The following TMC1 variants were observed in gnomAD, a reference collection of about 807,000 sequenced individuals.
The protein encoded by TMC1 is transmembrane channel like 1.
In TMC1, 84 loss-of-function variants were observed where a neutral mutation model predicts 105.8. The observed-to-expected ratio is 0.79, with a 90% confidence interval of 0.67 to 0.95. TMC1 has a LOEUF of 0.95. TMC1 is among the 40% of genes least tolerant of loss of function. TMC1 has a pLI of 0.00. For synonymous variants in TMC1, 315 were observed against 311.5 expected (o/e 1.01, Z -0.12); for missense variants, 817 against 914.1 (o/e 0.89, Z 1.37).
At position 72,686,940 on chromosome 9, in the gene TMC1, C is replaced by T. The variant is rs1250584939; in HGVS notation, c.17-1769C>T. The stretch of plus-strand genomic sequence containing the variant: ...TATTTATAAACTATTCCTTCTGTGC[C>T]GGAGAAGATGATTCATGACTCTAGC... On this transcript the variant is annotated intron_variant, in intron 5 of 23. Coordinates refer to ENST00000297784, the MANE Select transcript of TMC1 (RefSeq NM_138691.3). 3.9e-5 allele frequency among the ~76,000 whole-genome samples: 6 copies of T among 152,068 alleles called. No individual in the cohort carries two copies. In the South Asian group the frequency reaches 6.2e-4, roughly 16 times the overall value.
At chr9:72,603,533 C>T (rs1824855982) in intron 2 of TMC1, among the ~76,000 whole-genome samples, 1 of 150,682 alleles carries the variant, frequency 6.6e-6, no homozygotes, top group East Asian at 2.0e-4. Context: ...GTCAATGTTG[C>T]ATTTAGTTTA....
intron 1 of TMC1, among the ~76,000 whole-genome samples, chr9:72,573,019 C>T (rs960558900): frequency 5.9e-5 from 9 of 152,022 alleles, no homozygotes; most frequent in African/African-American, 2.2e-4. Context: ...AAATAATTGT[C>T]AATATTGTTG....
intron 5 of TMC1, among the ~76,000 whole-genome samples, chr9:72,655,445 T>C (rs954571546): frequency 2.6e-5 from 4 of 152,198 alleles, no homozygotes; most frequent in African/African-American, 9.7e-5. Context: ...TTCCTAACTT[T>C]GTGCCATTAT....
chr9:72,601,173 CACACACACACACACACACACAG>C (rs1316153693), intron 2 of TMC1, among the ~76,000 whole-genome samples: 33 of 133,690 alleles, frequency 2.5e-4, no homozygotes, highest in African/African-American at 9.9e-4. Context: ...TGTTTCTACA[CACACACACACACACACACACAG>C]ACACACACAC....
intron 2 of TMC1, among the ~76,000 whole-genome samples, chr9:72,612,882 C>G (rs192934733): frequency 2.4e-4 from 36 of 152,152 alleles, no homozygotes; most frequent in African/African-American, 8.4e-4. Context: ...ACAAGACAGC[C>G]CCCACAACAA....
intron 11 of TMC1, among the ~76,000 whole-genome samples, chr9:72,752,417 C>G (rs1379584281): frequency 6.6e-6 from 1 of 150,692 alleles, no homozygotes; most frequent in Non-Finnish European, 1.5e-5. Context: ...AACATTTTCC[C>G]CCTAAGATAC....
chr9:72,788,284 T>C, intron 13 of TMC1, 55 bp from the exon 14 acceptor site: 2 of 1,603,900 alleles, frequency 1.2e-6, no homozygotes, highest in Admixed American at 3.3e-5. Flanking sequence ...GTTTTGTTGC[T>C]ATTTCCCCTA....
In TMC1 at chr9:72,837,339, C is replaced by T. The variant is rs1308450608; in HGVS notation, c.*1366C>T. ...ACTGTCTTTCCCTAGCACTGGTTGCCACTAATTATTATTTTAGAGAGATAG... is the reference window on the plus strand; with the variant it reads ...ACTGTCTTTCCCTAGCACTGGTTGCTACTAATTATTATTTTAGAGAGATAG... On this transcript the variant is annotated 3_prime_UTR_variant, in exon 24 of 24. Coordinates refer to ENST00000297784, the MANE Select transcript of TMC1 (RefSeq NM_138691.3). The T allele has an allele frequency of 6.6e-6, 1 of 152,124 alleles. No individual in the cohort carries two copies. The highest frequency in any genetic ancestry group is 2.4e-5 in the African/African-American group (1 of 41,416). 9.4% of individuals were successfully genotyped at this position (152,124 alleles called of 1,614,324 possible).
At chr9:72,563,846 A>G (rs1824099993) in intron 1 of TMC1, among the ~76,000 whole-genome samples, 1 of 145,754 alleles carries the variant, frequency 6.9e-6, no homozygotes, top group Admixed American at 7.1e-5. Context: ...GCTGCAGTGA[A>G]CGAGATCAAG....
intron 17 of TMC1, among the ~76,000 whole-genome samples, chr9:72,798,816 A>G (rs550547248): frequency 1.2e-4 from 18 of 152,216 alleles, no homozygotes; most frequent in African/African-American, 4.1e-4. Flanking sequence ...AAAGCTTCAC[A>G]TGTACTACTA....
intron 1 of TMC1, among the ~76,000 whole-genome samples, chr9:72,576,079 G>A (rs1253445579): frequency 6.6e-6 from 1 of 152,136 alleles, no homozygotes; most frequent in African/African-American, 2.4e-5. Flanking sequence ...TGAAAAGATG[G>A]CACCATTTGA....
At chr9:72,533,153 G>A (rs1823526787) in intron 1 of TMC1, among the ~76,000 whole-genome samples, 1 of 152,208 alleles carries the variant, frequency 6.6e-6, no homozygotes, top group East Asian at 1.9e-4. Flanking sequence ...GCCAGGATCA[G>A]CTGAAGTGCC....
chr9:72,587,996 C>T lies in TMC1; in HGVS notation c.-306+9973C>T, dbSNP rs1587975702. Among the ~76,000 whole-genome samples, 2 of 152,116 alleles carry T rather than the reference C, an allele frequency of 1.3e-5. 1 individual carries two copies. Among genetic ancestry groups the T allele is most frequent in the Admixed American group, 1.3e-4 (2 of 15,258 alleles). On this transcript the variant is annotated intron_variant, in intron 2 of 23. Coordinates refer to ENST00000297784, the MANE Select transcript of TMC1 (RefSeq NM_138691.3). ...TAGAAATGGGGTGTCACCATGTTGG[C>T]CAGGCTGGTCTCAAACTCCTGGCCT...
chr9:72,631,858 G>A (rs974178139), intron 4 of TMC1, among the ~76,000 whole-genome samples: 2 of 152,140 alleles, frequency 1.3e-5, no homozygotes, highest in African/African-American at 4.8e-5. Flanking sequence ...TTATGAAACA[G>A]GAGCACAAGG....
rs115323740 is a variant in TMC1, at chr9:72,620,539, C to T, written c.-196+4062C>T. On this transcript the variant is annotated intron_variant, in intron 3 of 23. Coordinates refer to ENST00000297784, the MANE Select transcript of TMC1 (RefSeq NM_138691.3). ...GTGCTGGCATTACAGTCCTGAACCA[C>T]CATACCTAGCCAGATTTCTATTACT... Among the ~76,000 whole-genome samples, 637 of 152,240 alleles carry T rather than the reference C, an allele frequency of 4.2e-3. 5 individuals carry two copies. Among genetic ancestry groups the T allele is most frequent in the African/African-American group, 0.015 (611 of 41,536 alleles).
At chr9:72,634,668 G>A (rs1217794244) in intron 4 of TMC1, among the ~76,000 whole-genome samples, 2 of 152,330 alleles carry the variant, frequency 1.3e-5, no homozygotes, top group South Asian at 4.1e-4. Flanking sequence ...CTTGAAATGA[G>A]AATGGGAAGT....
intron 3 of TMC1, among the ~76,000 whole-genome samples, chr9:72,624,037 C>T (rs562191536): frequency 2.5e-4 from 38 of 152,218 alleles, no homozygotes; most frequent in Admixed American, 1.9e-3. Flanking sequence ...GTTGCTTTTC[C>T]CTCCAAGACA....
intron 5 of TMC1, among the ~76,000 whole-genome samples, chr9:72,675,834 A>G (rs898352655): frequency 2.0e-5 from 3 of 152,164 alleles, no homozygotes; most frequent in African/African-American, 7.2e-5. Context: ...TTGTTCTCTG[A>G]ATGCCAGAGT....
chr9:72,530,978 G>A (rs565950158), intron 1 of TMC1, among the ~76,000 whole-genome samples: 278 of 151,158 alleles, frequency 1.8e-3, no homozygotes, highest in Non-Finnish European at 2.4e-3. Flanking sequence ...CTGCCACCAC[G>A]CCCAGCTAAT....
Sources: gnomAD v4.1 joint callset for allele counts (sites outside exome capture counted in the v4.1 genomes callset) on GRCh38, gnomAD v4.1.1 for gene constraint, MANE v1.5 for transcripts, NCBI Gene and HGNC (gene_info 2026-07-23, HGNC 2026-07-21) for gene names.